NAALADL2: variants seen among roughly 807,000 people sequenced by gnomAD.
NAALADL2 encodes the protein inactive N-acetylated-alpha-linked acidic dipeptidase-like protein 2.
Under a neutral mutation model 87.2 loss-of-function variants are expected in NAALADL2, and 76 were observed. The observed-to-expected ratio is 0.87, with a 90% CI of 0.72 to 1.05. NAALADL2 has a LOEUF of 1.05. NAALADL2 is among the 50% of genes least tolerant of loss of function. NAALADL2 has a pLI of 0.00. For missense variants in NAALADL2, 1,089 were observed against 945.8 expected, an observed-to-expected ratio of 1.15 and a Z score of -1.99; for synonymous variants, 354 against 331.0, an observed-to-expected ratio of 1.07 and a Z score of -0.75.
At chr3:175,731,431 A>G (rs1243901134) in intron 11 of NAALADL2, among the ~76,000 whole-genome samples, 1 of 152,174 alleles carries the variant, frequency 6.6e-6, no homozygotes, top group African/African-American at 2.4e-5. Flanking sequence ...TTGACATAGA[A>G]TATTAATTCC....
chr3:174,478,421 G>GTA (rs1375091280), intron 1 of NAALADL2, among the ~76,000 whole-genome samples: 1 of 152,008 alleles, frequency 6.6e-6, no homozygotes, highest in African/African-American at 2.4e-5. Context: ...TATGCATGAT[G>GTA]TATATATAGA....
At chr3:175,793,605 G>A (rs544917810) in intron 13 of NAALADL2, among the ~76,000 whole-genome samples, 6 of 152,088 alleles carry the variant, frequency 3.9e-5, no homozygotes, top group African/African-American at 1.4e-4. Flanking sequence ...GTGAGCCACT[G>A]CACCTGGCCC....
intron 1 of NAALADL2, among the ~76,000 whole-genome samples, chr3:175,022,250 G>C (rs1444951737): frequency 1.3e-5 from 2 of 151,962 alleles, no homozygotes; most frequent in Non-Finnish European, 2.9e-5. Context: ...TTACTGCAAT[G>C]CATGATGGAC....
intron 2 of NAALADL2, among the ~76,000 whole-genome samples, chr3:175,146,822 C>CT (rs11410688): frequency 0.12 from 17,690 of 151,162 alleles, 1,175 homozygotes; most frequent in African/African-American, 0.17. Flanking sequence ...GGGAAGGTAG[C>CT]TTTTTTTTTA....
At chr3:174,522,995 T>G (rs1720424911) in intron 1 of NAALADL2, among the ~76,000 whole-genome samples, 1 of 146,602 alleles carries the variant, frequency 6.8e-6, no homozygotes, top group African/African-American at 2.5e-5. Flanking sequence ...ACTCTAGAGA[T>G]GTCTTGCACC....
At chr3:174,718,779 G>A (rs529625355) in intron 2 of NAALADL2, among the ~76,000 whole-genome samples, 3 of 152,104 alleles carry the variant, frequency 2.0e-5, no homozygotes, top group East Asian at 1.9e-4. Context: ...AGTACTTGCC[G>A]CTCCCTTTAG....
chr3:174,878,452 A>G (rs538413477), intron 1 of NAALADL2, among the ~76,000 whole-genome samples: 5 of 152,088 alleles, frequency 3.3e-5, no homozygotes, highest in Non-Finnish European at 4.4e-5. Context: ...CTATGTTGCT[A>G]TGAAGAATCC....
chr3:174,613,478 G>T (rs543652202), intron 2 of NAALADL2, among the ~76,000 whole-genome samples: 1 of 152,292 alleles, frequency 6.6e-6, no homozygotes, highest in East Asian at 1.9e-4. Flanking sequence ...GTGTGGCTGA[G>T]CTGGCACTCA....
At chr3:175,402,070 T>C (rs892463239) in intron 5 of NAALADL2, among the ~76,000 whole-genome samples, 1 of 152,088 alleles carries the variant, frequency 6.6e-6, no homozygotes, top group African/African-American at 2.4e-5. Context: ...ACTAGATTGA[T>C]ATGAATTAAT....
At chr3:175,066,441 G>C (rs959864437) in intron 1 of NAALADL2, among the ~76,000 whole-genome samples, 2 of 152,056 alleles carry the variant, frequency 1.3e-5, no homozygotes, top group African/African-American at 4.8e-5. Flanking sequence ...TGTCTCTTCA[G>C]TGCTCTATCC....
intron 3 of NAALADL2, among the ~76,000 whole-genome samples, chr3:174,743,805 TA>T (rs1342945570): frequency 4.7e-5 from 7 of 150,382 alleles, no homozygotes; most frequent in Non-Finnish European, 7.4e-5. Flanking sequence ...CTAAAGAACA[TA>T]TTTTTTTTTC....
rs1227062502 is a variant in NAALADL2 at position 174,902,809 on chromosome 3, A to G, written c.43+43359A>G. ...GGCGGCACTGATGGTAATTTTTCCA[A>G]AGGCATTATCTGAGATATAGATGGA... On this transcript the variant is annotated intron_variant, in intron 1 of 13. Coordinates refer to ENST00000454872, the MANE Select transcript of NAALADL2 (RefSeq NM_207015.3). Among the ~76,000 whole-genome samples, 4 of 152,116 alleles carry G rather than the reference A, an allele frequency of 2.6e-5. No individual in the cohort carries two copies. In the East Asian group the frequency reaches 7.7e-4, roughly 29 times the overall value.
chr3:175,301,576 A>G (rs1250508471), intron 4 of NAALADL2, among the ~76,000 whole-genome samples: 2 of 152,324 alleles, frequency 1.3e-5, no homozygotes, highest in East Asian at 3.9e-4. Context: ...ATTGGCTGTG[A>G]TTTAGCCCAT....
rs191161448 is a variant in NAALADL2, at chr3:174,631,417, G to A, written c.-115+80780G>A. On this transcript the variant is annotated intron_variant, in intron 2 of 3. Coordinates refer to the NAALADL2 transcript ENST00000434257. ...TAGCTAAGATACTTTTTTGAGTTTG[G>A]TGTTTTCTGAACCTAATCATCTCTT... Among the ~76,000 whole-genome samples, 17 of 152,186 alleles carry A rather than the reference G, an allele frequency of 1.1e-4. No individual in the cohort carries two copies. In the East Asian group the frequency reaches 3.3e-3, roughly 29 times the overall value.
intron 5 of NAALADL2, among the ~76,000 whole-genome samples, chr3:175,424,891 A>C (rs968968745): frequency 4.6e-5 from 7 of 152,164 alleles, no homozygotes; most frequent in Admixed American, 1.3e-4. Context: ...GAAAGCTTGC[A>C]ATTTTAAATA....
At chr3:174,608,471 T>G (rs978338935) in intron 2 of NAALADL2, among the ~76,000 whole-genome samples, 3 of 151,192 alleles carry the variant, frequency 2.0e-5, no homozygotes, top group Admixed American at 6.6e-5. Flanking sequence ...TAAAAAATGA[T>G]AAAGGGGATA....
chr3:175,733,566 A>T (rs531217947), intron 11 of NAALADL2, among the ~76,000 whole-genome samples: 14 of 152,014 alleles, frequency 9.2e-5, no homozygotes, highest in Non-Finnish European at 1.8e-4. Flanking sequence ...ATATCATTGC[A>T]CCCCTGGCCC....
intron 4 of NAALADL2, among the ~76,000 whole-genome samples, chr3:175,300,463 G>T (rs936856040): frequency 1.3e-5 from 2 of 152,082 alleles, no homozygotes; most frequent in Admixed American, 1.3e-4. Flanking sequence ...CTCAATTTCA[G>T]AACTTGTTAT....
chr3:174,539,238 T>C (rs571788493), intron 1 of NAALADL2, among the ~76,000 whole-genome samples: 89 of 152,212 alleles, frequency 5.8e-4, no homozygotes, highest in African/African-American at 2.1e-3. Context: ...AAATATATAC[T>C]CAAATACATT....
Sources: gnomAD v4.1 joint callset for allele counts (sites outside exome capture counted in the v4.1 genomes callset) on GRCh38, gnomAD v4.1.1 for gene constraint, MANE v1.5 for transcripts, NCBI Gene and HGNC (gene_info 2026-07-23, HGNC 2026-07-21) for gene names.